The following CEP112 variants were observed in gnomAD, a reference collection of about 807,000 sequenced individuals.
CEP112 encodes the protein centrosomal protein of 112 kDa.
In CEP112, 127 loss-of-function variants were observed where a neutral mutation model predicts 153.0. The ratio of observed to expected loss-of-function variants is 0.83; its 90% CI spans 0.72 to 0.96. The LOEUF (loss-of-function observed/expected upper bound fraction) is 0.96, where lower values mean the gene tolerates loss of function less well. Ranked by LOEUF, CEP112 falls within the 40% of genes least tolerant of loss-of-function variation. The pLI, the probability that CEP112 is intolerant of heterozygous loss-of-function variation, is 0.00. For synonymous variants in CEP112, 358 were observed against 374.4 expected, an observed-to-expected ratio of 0.96 and a Z score of 0.51; for missense variants, 1,089 against 1,101.2, an observed-to-expected ratio of 0.99 and a Z score of 0.16.
intron 21 of CEP112, among the ~76,000 whole-genome samples, chr17:65,784,662 G>A (rs1568009133): frequency 6.6e-6 from 1 of 152,070 alleles, no homozygotes; most frequent in Non-Finnish European, 1.5e-5. Context: ...TGTATTTTTA[G>A]TAGAGACGGG....
intron 19 of CEP112, among the ~76,000 whole-genome samples, chr17:65,906,922 T>G (rs1385586646): frequency 6.6e-6 from 1 of 152,218 alleles, no homozygotes; most frequent in Non-Finnish European, 1.5e-5. Context: ...AATTATAAAC[T>G]TAAATCAAAA....
At chr17:65,834,416 C>A (rs542698227) in intron 21 of CEP112, among the ~76,000 whole-genome samples, 68 of 152,180 alleles carry the variant, frequency 4.5e-4, no homozygotes, top group African/African-American at 1.6e-3. Flanking sequence ...AAACACACAA[C>A]CTACAGAATG....
At chr17:65,714,437 T>C (rs1480164424) in intron 23 of CEP112, among the ~76,000 whole-genome samples, 1 of 152,096 alleles carries the variant, frequency 6.6e-6, no homozygotes, top group African/African-American at 2.4e-5. Context: ...TTTTTAATAA[T>C]TATTAGCCAT....
chr17:65,832,858 C>T (rs980701377), intron 21 of CEP112, among the ~76,000 whole-genome samples: 1 of 152,114 alleles, frequency 6.6e-6, no homozygotes, highest in African/African-American at 2.4e-5. Context: ...TTCTATGAGG[C>T]CAGCACCATC....
rs185469345 is a variant in CEP112 at position 66,066,708 on chromosome 17, T to C, written c.955+70A>G. ...ATACTATAAAAGGTCAGAAATCAAA[T>C]TTTTTTCTCCACATCACTAAAATAA... On this transcript the variant is annotated intron_variant, in intron 10 of 26. Transcript: ENST00000535342. The C allele has an allele frequency of 3.9e-4, 429 of 1,097,082 alleles. 7 individuals carry two copies. In the East Asian group the frequency reaches 8.4e-3, roughly 21 times the overall value. The allele number at this position is 1,097,082 out of a possible 1,614,324, so 68.0% of individuals were successfully genotyped here.
chr17:65,894,065 G>C (rs1441634197), intron 20 of CEP112, among the ~76,000 whole-genome samples: 1 of 152,062 alleles, frequency 6.6e-6, no homozygotes, highest in African/African-American at 2.4e-5. Flanking sequence ...ACTTTTCCAA[G>C]ACATTAAGGA....
chr17:66,017,837 T>C (rs2064836310), intron 16 of CEP112, among the ~76,000 whole-genome samples: 1 of 152,006 alleles, frequency 6.6e-6, no homozygotes, highest in Non-Finnish European at 1.5e-5. Context: ...CCGTCTCTAC[T>C]AAAAATAGAA....
At chr17:66,177,537 G>A (rs1340189250) in intron 2 of CEP112, among the ~76,000 whole-genome samples, 2 of 141,934 alleles carry the variant, frequency 1.4e-5, no homozygotes, top group Non-Finnish European at 3.2e-5. Flanking sequence ...GATAAATCGG[G>A]TATCTATCCA....
At chr17:65,752,227 G>A (rs949755567) in intron 21 of CEP112, among the ~76,000 whole-genome samples, 1 of 151,994 alleles carries the variant, frequency 6.6e-6, no homozygotes, top group African/African-American at 2.4e-5. Context: ...TCAAATATCT[G>A]GTGATCTTTG....
intron 21 of CEP112, among the ~76,000 whole-genome samples, chr17:65,831,343 G>A (rs1159218110): frequency 6.6e-6 from 1 of 152,244 alleles, no homozygotes; most frequent in Non-Finnish European, 1.5e-5. Flanking sequence ...GGATCACGAG[G>A]TCAGGACATC....
At chr17:65,838,918 A>C (rs1413840074) in intron 21 of CEP112, among the ~76,000 whole-genome samples, 1 of 152,170 alleles carries the variant, frequency 6.6e-6, no homozygotes, top group African/African-American at 2.4e-5. Context: ...AAATGGATAA[A>C]CTTCTGGGCA....
intron 16 of CEP112, among the ~76,000 whole-genome samples, chr17:66,024,407 C>G (rs965233700): frequency 1.6e-4 from 25 of 151,784 alleles, no homozygotes; most frequent in Admixed American, 1.6e-3. Flanking sequence ...GATCTTATAC[C>G]TAAAAAACCC....
At chr17:65,737,978 T>C (rs933525168) in intron 23 of CEP112, among the ~76,000 whole-genome samples, 1 of 152,188 alleles carries the variant, frequency 6.6e-6, no homozygotes, top group East Asian at 1.9e-4. Flanking sequence ...AGGCTTCTCA[T>C]AGCAACCTTA....
At chr17:65,806,289 A>T (rs1309748311) in intron 21 of CEP112, among the ~76,000 whole-genome samples, 3 of 151,966 alleles carry the variant, frequency 2.0e-5, no homozygotes, top group African/African-American at 7.2e-5. Context: ...GTAGAGAAAA[A>T]AGGTAGTGTA....
rs544915316 is a variant in CEP112 at position 65,979,861 on chromosome 17, T to C, written c.1737-18263A>G. On this transcript the variant is annotated intron_variant, in intron 17 of 26. Coordinates refer to ENST00000535342, the MANE Select transcript of CEP112 (RefSeq NM_001199165.4). ...TATGGGTAAGATAAACCTTGCATGATGAATTGGAACATCCTCTGGTAAAAA... is the reference window on the plus strand; with the variant it reads ...TATGGGTAAGATAAACCTTGCATGACGAATTGGAACATCCTCTGGTAAAAA... Among the ~76,000 whole-genome samples the C allele has an allele frequency of 2.0e-5, 3 of 152,268 alleles. No homozygotes were observed. In the South Asian group the frequency reaches 6.2e-4, roughly 32 times the overall value.
At chr17:66,107,162 A>G (rs1157962095) in intron 6 of CEP112, among the ~76,000 whole-genome samples, 3 of 152,152 alleles carry the variant, frequency 2.0e-5, no homozygotes. Context: ...CAAAAGTCAT[A>G]TACAACAGAC....
At chr17:65,951,737 T>TCCCGCCCCCC (rs763670851) in intron 18 of CEP112, among the ~76,000 whole-genome samples, 1 of 96,924 alleles carries the variant, frequency 1.0e-5, no homozygotes, top group Admixed American at 1.4e-4. Context: ...GCTCTAATCT[T>TCCCGCCCCCC]CCCCCGCCCC....
intron 20 of CEP112, among the ~76,000 whole-genome samples, chr17:65,877,744 T>C (rs1018218106): frequency 1.3e-5 from 2 of 152,238 alleles, no homozygotes; most frequent in Non-Finnish European, 2.9e-5. Flanking sequence ...TTTCTATGAA[T>C]ATATCTAGTT....
rs554172102 is a variant in CEP112 at position 66,144,922 on chromosome 17, C to T, written c.471-12159G>A. Among the ~76,000 whole-genome samples the T allele has an allele frequency of 2.0e-5, 3 of 152,198 alleles. No individual in the cohort carries two copies. In the South Asian group the frequency reaches 6.2e-4, roughly 32 times the overall value. ...ATTGCTGGGTCATATGGTAAGTTGT[C>T]TTAAAATTTATAAGAAATAGCCAAA... is the stretch of plus-strand genomic sequence containing the variant. On this transcript the variant is annotated intron_variant, in intron 4 of 26. Coordinates refer to ENST00000535342, the MANE Select transcript of CEP112 (RefSeq NM_001199165.4).
Sources: gnomAD v4.1 joint callset for allele counts (sites outside exome capture counted in the v4.1 genomes callset) on GRCh38, gnomAD v4.1.1 for gene constraint, MANE v1.5 for transcripts, NCBI Gene and HGNC (gene_info 2026-07-23, HGNC 2026-07-21) for gene names.